The following NPLOC4 variants were observed in gnomAD, a reference collection of about 807,000 sequenced individuals.
NPLOC4 encodes the protein nuclear protein localization protein 4 homolog.
NPLOC4 carries 18 observed loss-of-function variants against 80.6 expected under a neutral mutation model. That is an observed-to-expected ratio of 0.22 (90% CI 0.15 to 0.33). The LOEUF (loss-of-function observed/expected upper bound fraction) is 0.33, where lower values mean the gene tolerates loss of function less well. Among genes scored for constraint, NPLOC4 ranks in the 10% least tolerant of loss-of-function variants. NPLOC4 has a pLI of 1.00. For missense variants in NPLOC4, 540 were observed against 786.1 expected, an observed-to-expected ratio of 0.69 and a Z score of 3.74; for synonymous variants, 313 against 301.5, an observed-to-expected ratio of 1.04 and a Z score of -0.39.
At chr17:81,624,163 G>A (rs2035738281) in intron 2 of NPLOC4, among the ~76,000 whole-genome samples, 1 of 152,150 alleles carries the variant, frequency 6.6e-6, no homozygotes, top group African/African-American at 2.4e-5. Context: ...ACTCACGCCT[G>A]TAATCCCAGC....
At chr17:81,596,348 C>T in intron 10 of NPLOC4, 106 bp from the exon 11 acceptor site, 1 of 1,308,164 alleles carries the variant, frequency 7.6e-7, no homozygotes, top group Non-Finnish European at 1.0e-6. Context: ...TGACTCACAC[C>T]TCTAATTCCA....
In NPLOC4 at chr17:81,567,740, C is replaced by T. The variant is rs187625037; in HGVS notation, c.1450-207G>A. 6.6e-6 allele frequency among the ~76,000 whole-genome samples: 1 copy of T among 152,328 alleles called. No homozygotes were observed. The highest frequency in any genetic ancestry group is 1.9e-4 in the East Asian group (1 of 5,190). On this transcript the variant is annotated intron_variant, in intron 14 of 16. Transcript: ENST00000331134. The surrounding 1 kb of genome is among the most constrained non-coding windows in gnomAD (Gnocchi z 4.5). ...TGCTCTCTTCTCCCAAGAAGATGCT[C>T]TCAGCACACCTGACTACCCAGATGT...
At chr17:81,585,646 G>GC (rs2034559212) in intron 12 of NPLOC4, among the ~76,000 whole-genome samples, 1 of 143,134 alleles carries the variant, frequency 7.0e-6, no homozygotes, top group Admixed American at 7.0e-5. Flanking sequence ...GGGAGACAGA[G>GC]GAAGACTCCA....
intron 11 of NPLOC4, among the ~76,000 whole-genome samples, chr17:81,593,152 C>CAG (rs1366141021): frequency 1.3e-5 from 2 of 152,134 alleles, no homozygotes; most frequent in Non-Finnish European, 2.9e-5. Flanking sequence ...AGATTAGAAG[C>CAG]AATTCTGTTT....
At position 81,613,360 on chromosome 17, in the gene NPLOC4, C is replaced by A; in HGVS notation, c.344G>T (p.Ser115Ile). Residue 115 changes from serine to isoleucine, a missense_variant, in exon 4 of 17, where the codon AGC becomes ATC. By Grantham distance (142) the Ser-to-Ile change is moderately radical. This residue lies in a region of NPLOC4 where 74 missense variants were observed against 75.7 expected (regional missense o/e 0.98). Coordinates refer to ENST00000331134, the MANE Select transcript of NPLOC4 (RefSeq NM_017921.4). ...TCTGTAAATCTTCCCGTCCTGTTTGCTGAGGTACTGATCAATCTCATCCTC... is the reference window on the plus strand; with the variant it reads ...TCTGTAAATCTTCCCGTCCTGTTTGATGAGGTACTGATCAATCTCATCCTC... Reference protein sequence around the residue: ...VVEDEIDQYLSKQDGKIYRSR... With the variant: ...VVEDEIDQYLIKQDGKIYRSR... 4 of 1,613,968 alleles carry A rather than the reference C, an allele frequency of 2.5e-6. No individual in the cohort carries two copies. The highest frequency in any genetic ancestry group is 3.4e-6 in the Non-Finnish European group (4 of 1,179,886).
intron 2 of NPLOC4, among the ~76,000 whole-genome samples, chr17:81,623,719 A>C (rs2035727119): frequency 2.0e-5 from 3 of 147,778 alleles, no homozygotes; most frequent in South Asian, 2.2e-4. Flanking sequence ...AGTGGCGTGA[A>C]CCCGGGAGGC....
intron 11 of NPLOC4, among the ~76,000 whole-genome samples, chr17:81,591,290 C>G (rs770494844): frequency 4.0e-5 from 6 of 151,820 alleles, no homozygotes; most frequent in Admixed American, 6.6e-5. Flanking sequence ...TAAAAATTAA[C>G]TGGGCATGGT....
chr17:81,622,981 G>C (rs2035705002), intron 2 of NPLOC4, among the ~76,000 whole-genome samples: 1 of 151,600 alleles, frequency 6.6e-6, no homozygotes, highest in Non-Finnish European at 1.5e-5. Context: ...TATCACCTGA[G>C]GTTAGGAGTT....
intron 6 of NPLOC4, 54 bp from the exon 7 acceptor site, chr17:81,606,868 G>A (rs2035217738): frequency 1.3e-6 from 2 of 1,547,674 alleles, no homozygotes; most frequent in Non-Finnish European, 1.8e-6. Context: ...TTGAGCAAGA[G>A]GCTGGAAATG....
intron 4 of NPLOC4, chr17:81,612,734 C>CT (rs1568154701): frequency 6.6e-6 from 1 of 152,024 alleles, no homozygotes; most frequent in Non-Finnish European, 1.5e-5. Context: ...CTAAAATAAA[C>CT]AATGTACATA....
intron 2 of NPLOC4, among the ~76,000 whole-genome samples, chr17:81,626,132 G>C (rs1475012443): frequency 2.0e-5 from 3 of 149,086 alleles, no homozygotes; most frequent in Non-Finnish European, 3.0e-5. Flanking sequence ...CCAAGCGACA[G>C]AGTGAGACTT....
rs142156975 is a variant in NPLOC4 at position 81,604,430 on chromosome 17, C to T, written c.834+118G>A. 3.7e-4 allele frequency: 312 copies of T among 849,874 alleles called. 2 individuals are homozygous for T. The African/African-American group carries it at 4.3e-3, about 12-fold the overall frequency. 52.6% of individuals were successfully genotyped at this position (849,874 alleles called of 1,614,324 possible). ...CTCAGAAAATGTTGTGCACGTGCAC[C>T]GGTGTGTGACAAAGGGGGAACAAAC... is the stretch of plus-strand genomic sequence containing the variant. On this transcript the variant is annotated intron_variant, in intron 8 of 16. Coordinates refer to ENST00000331134, the MANE Select transcript of NPLOC4 (RefSeq NM_017921.4).
Position 81,567,599 on chromosome 17 carries a change from C to A in NPLOC4, c.1450-66G>T. ...CCCAGTGCCAGACCCCGAAACAGAG[C>A]TGTTTCCTACTAAGACGCAACTCAA... On this transcript the variant is annotated intron_variant, in intron 14 of 16. Coordinates refer to ENST00000331134, the MANE Select transcript of NPLOC4 (RefSeq NM_017921.4). The surrounding 1 kb of genome is among the most constrained non-coding windows in gnomAD (Gnocchi z 4.5). The A allele has an allele frequency of 1.1e-6, 1 of 939,928 alleles. No homozygotes were observed. Among genetic ancestry groups the A allele is most frequent in the South Asian group, 1.4e-5 (1 of 69,622 alleles). 58.2% of individuals were successfully genotyped at this position (939,928 alleles called of 1,614,324 possible).
At chr17:81,576,094 A>C (rs2034291758) in intron 12 of NPLOC4, among the ~76,000 whole-genome samples, 2 of 152,234 alleles carry the variant, frequency 1.3e-5, no homozygotes, top group African/African-American at 4.8e-5. Flanking sequence ...GACCAGAAGT[A>C]AGACATGAGG....
intron 12 of NPLOC4, among the ~76,000 whole-genome samples, chr17:81,581,875 G>A (rs897701147): frequency 2.0e-5 from 3 of 152,194 alleles, no homozygotes; most frequent in Non-Finnish European, 2.9e-5. Flanking sequence ...AAGCAGAGGC[G>A]CAGGAATAAC....
At chr17:81,629,664 G>A (rs953853579) in intron 2 of NPLOC4, 61 bp downstream of exon 2, 11 of 1,200,840 alleles carry the variant, frequency 9.2e-6, no homozygotes, top group South Asian at 1.2e-5. Flanking sequence ...AAAAGGTATC[G>A]ATGGCAGTAA....
chr17:81,614,137 C>T (rs1305130825), intron 3 of NPLOC4, among the ~76,000 whole-genome samples: 1 of 151,776 alleles, frequency 6.6e-6, no homozygotes, highest in Non-Finnish European at 1.5e-5. Context: ...ACTAGCTGGG[C>T]GTGGTGGCGC....
intron 8 of NPLOC4, among the ~76,000 whole-genome samples, chr17:81,602,744 A>T (rs1054695390): frequency 6.6e-6 from 1 of 151,440 alleles, no homozygotes; most frequent in Admixed American, 6.6e-5. Context: ...AGGAAGTCCA[A>T]CTAAAAAGAT....
intron 6 of NPLOC4, among the ~76,000 whole-genome samples, chr17:81,607,940 G>C (rs916636632): frequency 2.6e-5 from 4 of 152,212 alleles, no homozygotes; most frequent in African/African-American, 9.7e-5. Context: ...TGCACTGACA[G>C]GAATTATAAA....
Sources: gnomAD v4.1 joint callset for allele counts (sites outside exome capture counted in the v4.1 genomes callset) on GRCh38, gnomAD v4.1.1 for gene constraint, gnomAD v4.1.1 regional missense constraint, Gnocchi (gnomAD v3.1) non-coding constraint, MANE v1.5 for transcripts, NCBI Gene and HGNC (gene_info 2026-07-23, HGNC 2026-07-21) for gene names.